Variants in ZNF821 observed in about 807,000 individuals in gnomAD.
The protein encoded by ZNF821 is zinc finger protein 821.
In ZNF821, 16 loss-of-function variants were observed where a neutral mutation model predicts 44.3. That is an observed-to-expected ratio of 0.36 (90% CI 0.24 to 0.55). The LOEUF is 0.55. ZNF821 is among the 20% of genes least tolerant of loss of function. The pLI, the probability that ZNF821 is intolerant of heterozygous loss-of-function variation, is 0.86. For missense variants in ZNF821, 436 were observed against 547.6 expected (o/e 0.80, Z 2.03); for synonymous variants, 204 against 197.6 (o/e 1.03, Z -0.27).
intron 6 of ZNF821, among the ~76,000 whole-genome samples, chr16:71,862,584 C>A (rs967362720): frequency 6.6e-6 from 1 of 152,254 alleles, no homozygotes; most frequent in Non-Finnish European, 1.5e-5. Context: ...CTGGCTCACA[C>A]TGTGCAGGTA....
At chr16:71,863,912 G>A (rs1476646646) in intron 6 of ZNF821, among the ~76,000 whole-genome samples, 1 of 152,204 alleles carries the variant, frequency 6.6e-6, no homozygotes, top group Non-Finnish European at 1.5e-5. Flanking sequence ...TGGCCAGGAT[G>A]GTCTCGAACT....
chr16:71,867,831 A>G, intron 4 of ZNF821, 81 bp downstream of exon 4: 2 of 1,501,444 alleles, frequency 1.3e-6, no homozygotes, highest in Non-Finnish European at 1.8e-6. Flanking sequence ...CCCAACCCCC[A>G]TGCACAATCC....
At chr16:71,864,430 A>G (rs1188331092) in intron 5 of ZNF821, among the ~76,000 whole-genome samples, 188 bp from the exon 6 acceptor site, 2 of 152,274 alleles carry the variant, frequency 1.3e-5, no homozygotes, top group Non-Finnish European at 2.9e-5. Flanking sequence ...CCATGAGGAC[A>G]CAGGATTGCC....
chr16:71,876,008 C>A (rs928823815), intron 3 of ZNF821, among the ~76,000 whole-genome samples: 20 of 152,206 alleles, frequency 1.3e-4, no homozygotes, highest in Admixed American at 6.5e-4. Flanking sequence ...GCCACACAAG[C>A]CTGAAGTGGC....
At chr16:71,862,260 A>G (rs1419547433) in intron 6 of ZNF821, among the ~76,000 whole-genome samples, 1 of 152,180 alleles carries the variant, frequency 6.6e-6, no homozygotes, top group African/African-American at 2.4e-5. Context: ...GTGGATCACG[A>G]GGTCAGGAGT....
At chr16:71,887,929 A>G (rs2036867904), upstream of ZNF821, among the ~76,000 whole-genome samples, 1 of 149,000 alleles carries the variant, frequency 6.7e-6, no homozygotes, top group African/African-American at 2.5e-5. Context: ...TGGTATGATC[A>G]CAGCTCACTG....
chr16:71,886,253 A>G (rs1005465718), upstream of ZNF821, among the ~76,000 whole-genome samples: 1 of 152,194 alleles, frequency 6.6e-6, no homozygotes, highest in Non-Finnish European at 1.5e-5. Context: ...AATTAGTTTA[A>G]GTTAGGCATG....
At chr16:71,882,302 AAAAAT>A (rs2036511724) in intron 2 of ZNF821, 1 of 151,718 alleles carries the variant, frequency 6.6e-6, no homozygotes, top group South Asian at 2.1e-4. Flanking sequence ...AAAAATTTAA[AAAAAT>A]AAAATATACT....
At chr16:71,888,444 T>C (rs1042814646), upstream of ZNF821, among the ~76,000 whole-genome samples, 16 of 152,220 alleles carry the variant, frequency 1.1e-4, no homozygotes, top group African/African-American at 3.6e-4. Context: ...AGTTTTTGCA[T>C]ATGGTGTGAG....
intron 5 of ZNF821, among the ~76,000 whole-genome samples, chr16:71,864,542 T>C (rs754060640): frequency 6.6e-6 from 1 of 152,206 alleles, no homozygotes; most frequent in Non-Finnish European, 1.5e-5. Flanking sequence ...GGAAACAAGT[T>C]AGTGAGAAGG....
intron 6 of ZNF821, among the ~76,000 whole-genome samples, chr16:71,863,492 T>G (rs2034166115): frequency 6.8e-6 from 1 of 146,212 alleles, no homozygotes; most frequent in Non-Finnish European, 1.5e-5. Flanking sequence ...GCTCAAGCTA[T>G]CCTTCCACCT....
intron 1 of ZNF821, among the ~76,000 whole-genome samples, chr16:71,889,971 A>G (rs2036876658): frequency 6.6e-6 from 1 of 152,182 alleles, no homozygotes; most frequent in African/African-American, 2.4e-5. Context: ...AAACAAAACA[A>G]AAACAAAAAC....
At chr16:71,891,586 C>G (rs1169273865) in intron 1 of ZNF821, 1 of 152,108 alleles carries the variant, frequency 6.6e-6, no homozygotes, top group East Asian at 1.9e-4. Context: ...ATAAATGAAT[C>G]ATGTCGGCTG....
chr16:71,867,062 C>T (rs2034625149), intron 4 of ZNF821, among the ~76,000 whole-genome samples: 1 of 152,224 alleles, frequency 6.6e-6, no homozygotes, highest in Non-Finnish European at 1.5e-5. Flanking sequence ...CAACTTGTAA[C>T]AGCTACTGTC....
chr16:71,879,067 T>C (rs868368415), intron 3 of ZNF821, among the ~76,000 whole-genome samples: 2 of 152,202 alleles, frequency 1.3e-5, no homozygotes, highest in African/African-American at 4.8e-5. Flanking sequence ...ACCAAAACGC[T>C]GTATTCTAAA....
At chr16:71,864,336 C>A in intron 5 of ZNF821, 94 bp from the exon 6 acceptor site, 1 of 1,009,728 alleles carries the variant, frequency 9.9e-7, no homozygotes, top group South Asian at 1.3e-5. Flanking sequence ...AAAAGGAACC[C>A]AGACTGATGG....
At chr16:71,874,244 G>C (rs952444414) in intron 3 of ZNF821, among the ~76,000 whole-genome samples, 3 of 152,034 alleles carry the variant, frequency 2.0e-5, no homozygotes, top group Non-Finnish European at 2.9e-5. Flanking sequence ...TTACAGGCAT[G>C]AGCCACTGAG....
chr16:71,868,537 C>T (rs1278418800), intron 3 of ZNF821, among the ~76,000 whole-genome samples: 1 of 152,226 alleles, frequency 6.6e-6, no homozygotes, highest in Admixed American at 6.5e-5. Context: ...CCCCATCTTT[C>T]ATCCACTCTT....
chr16:71,873,644 C>CT lies in ZNF821; in HGVS notation c.41-5608dup, dbSNP rs1390155578. ...GTTGCTGGGTTACAGCAGTGGGATT[C>CT]TTTTTTAAAAATATATATATATTTT... On this transcript the variant is annotated intron_variant, in intron 3 of 7. Coordinates refer to ENST00000425432, the MANE Select transcript of ZNF821 (RefSeq NM_001201552.2). Among the ~76,000 whole-genome samples the CT allele has an allele frequency of 2.0e-5, 3 of 152,112 alleles. No individual in the cohort carries two copies. In the East Asian group the frequency reaches 5.8e-4, roughly 29 times the overall value.
Sources: allele counts gnomAD v4.1 joint callset (sites outside exome capture counted in the v4.1 genomes callset), GRCh38; gene constraint gnomAD v4.1.1; transcripts MANE v1.5; gene names NCBI Gene and HGNC (gene_info 2026-07-23, HGNC 2026-07-21).